LOXL2: variants seen among roughly 807,000 people sequenced by gnomAD.
LOXL2 encodes the protein lysyl oxidase homolog 2.
Under a neutral mutation model 93.0 loss-of-function variants are expected in LOXL2, and 70 were observed. The observed-to-expected ratio is 0.75, with a 90% CI of 0.62 to 0.92. The LOEUF is 0.92. Among genes scored for constraint, LOXL2 ranks in the 40% least tolerant of loss-of-function variants. LOXL2 has a pLI of 0.00. For missense variants in LOXL2, 973 were observed against 1,054.9 expected, an observed-to-expected ratio of 0.92 and a Z score of 1.08; for synonymous variants, 438 against 413.2, an observed-to-expected ratio of 1.06 and a Z score of -0.73.
rs58347035 is a variant in LOXL2, at chr8:23,307,953, G to GGAAAAAAAAAAAAAAAAAAAAAAAA, written c.1880+1714_1880+1715insTTTTTTTTTTTTTTTTTTTTTTTTC. Among the ~76,000 whole-genome samples the GGAAAAAAAAAAAAAAAAAAAAAAAA allele has an allele frequency of 9.6e-5, 8 of 83,522 alleles. 3 individuals are homozygous for GGAAAAAAAAAAAAAAAAAAAAAAAA. The highest frequency in any genetic ancestry group is 4.7e-5 in the African/African-American group (1 of 21,090). 54.8% of individuals were successfully genotyped at this position (83,522 alleles called of 152,430 possible). Reference sequence around the variant, plus strand: ...GTGACTAGGTCATCAGCTGCGATATGAAAAAAAAAAAAAAAAAAAAGCCAA... The same window carrying GGAAAAAAAAAAAAAAAAAAAAAAAA: ...GTGACTAGGTCATCAGCTGCGATATGGAAAAAAAAAAAAAAAAAAAAAAAAAAAAAAAAAAAAAAAAAAAAGCCAA... On this transcript the variant is annotated intron_variant, in intron 10 of 13. Coordinates refer to ENST00000389131, the MANE Select transcript of LOXL2 (RefSeq NM_002318.3).
At chr8:23,300,513 C>G (rs1803112060) in intron 12 of LOXL2, among the ~76,000 whole-genome samples, 1 of 152,230 alleles carries the variant, frequency 6.6e-6, no homozygotes, top group South Asian at 2.1e-4. Flanking sequence ...GTGAAGACCA[C>G]CTCTTGTGTC....
intron 4 of LOXL2, among the ~76,000 whole-genome samples, chr8:23,335,530 G>A (rs1159694680): frequency 6.6e-6 from 1 of 152,146 alleles, no homozygotes; most frequent in Non-Finnish European, 1.5e-5. Flanking sequence ...TGGAGTGATG[G>A]GAGACTTTAC....
intron 2 of LOXL2, chr8:23,365,446 C>A (rs1454365137): frequency 3.3e-5 from 5 of 151,716 alleles, no homozygotes; most frequent in African/African-American, 1.2e-4. Context: ...GTAAAAAGGT[C>A]TCTCATGTCA....
In LOXL2 at chr8:23,399,737, C is replaced by T. The variant is rs1800134168; in HGVS notation, c.-84+4217G>A. On this transcript the variant is annotated intron_variant, in intron 1 of 13. Coordinates refer to ENST00000389131, the MANE Select transcript of LOXL2 (RefSeq NM_002318.3). ...ATAAGCAACAGAAAATGGACTAAAACACCTCCTAAGGCTCCCCAAACTTTA... is the reference window on the plus strand; with the variant it reads ...ATAAGCAACAGAAAATGGACTAAAATACCTCCTAAGGCTCCCCAAACTTTA... 2.6e-5 allele frequency among the ~76,000 whole-genome samples: 4 copies of T among 152,196 alleles called. 1 individual carries two copies. In the South Asian group the frequency reaches 8.3e-4, roughly 31 times the overall value.
At chr8:23,363,272 T>C (rs1234714174) in intron 2 of LOXL2, 1 of 152,246 alleles carries the variant, frequency 6.6e-6, no homozygotes. Flanking sequence ...TCTCCTGACG[T>C]CCAGGCCCTG....
At chr8:23,334,669 G>A (rs1043716211) in intron 4 of LOXL2, among the ~76,000 whole-genome samples, 1 of 147,552 alleles carries the variant, frequency 6.8e-6, no homozygotes, top group Non-Finnish European at 1.5e-5. Context: ...ATAGATGCAG[G>A]TAATTCAGTT....
intron 7 of LOXL2, among the ~76,000 whole-genome samples, chr8:23,320,773 G>T (rs993116999): frequency 6.6e-6 from 1 of 152,048 alleles, no homozygotes; most frequent in Non-Finnish European, 1.5e-5. Flanking sequence ...AATGAGCCAG[G>T]TATGGTGGTG....
intron 1 of LOXL2, among the ~76,000 whole-genome samples, chr8:23,390,287 C>T (rs1804820482): frequency 6.6e-6 from 1 of 152,182 alleles, no homozygotes; most frequent in African/African-American, 2.4e-5. Context: ...GGGGTTTGCT[C>T]AGAGAATGAG....
intron 4 of LOXL2, among the ~76,000 whole-genome samples, chr8:23,338,076 G>A (rs1270683909): frequency 4.6e-5 from 7 of 152,328 alleles, no homozygotes; most frequent in Non-Finnish European, 8.8e-5. Flanking sequence ...ACAAAGGCAC[G>A]TCTTACATGA....
Position 23,317,127 on chromosome 8 carries a change from A to G in LOXL2, c.1471-13T>C. On this transcript the variant is annotated splice_polypyrimidine_tract_variant and intron_variant, in intron 8 of 13. Transcript: ENST00000389131. ...AATACCAGGTCTCCTGGAAGAACCA[A>G]CAAAACAAATGGTGGGTACATCATC... 1 of 1,613,368 alleles carries G rather than the reference A, an allele frequency of 6.2e-7. No homozygotes were observed. The highest frequency in any genetic ancestry group is 8.5e-7 in the Non-Finnish European group (1 of 1,179,674).
chr8:23,313,373 A>G (rs1204925327), intron 9 of LOXL2, among the ~76,000 whole-genome samples: 2 of 152,158 alleles, frequency 1.3e-5, no homozygotes, highest in Non-Finnish European at 2.9e-5. Flanking sequence ...AGCTGGAGGC[A>G]TCACACTACC....
chr8:23,328,588 T>C, intron 5 of LOXL2, 23 bp from the exon 6 acceptor site: 1 of 1,611,958 alleles, frequency 6.2e-7, no homozygotes, highest in Non-Finnish European at 8.5e-7. Flanking sequence ...ACGGTCCTGC[T>C]GAGTACAGAC....
rs1554475672 is a variant in LOXL2 at position 23,307,953 on chromosome 8, GA to G, written c.1880+1714del. On this transcript the variant is annotated intron_variant, in intron 10 of 13. Transcript: ENST00000389131. ...GTGACTAGGTCATCAGCTGCGATAT[GA>G]AAAAAAAAAAAAAAAAAAAGCCAAA... Among the ~76,000 whole-genome samples, 98 of 83,544 alleles carry G rather than the reference GA, an allele frequency of 1.2e-3. 7 individuals carry two copies. The highest frequency in any genetic ancestry group is 1.4e-3 in the Non-Finnish European group (67 of 47,068). The allele number at this position is 83,544 out of a possible 152,430, so 54.8% of individuals were successfully genotyped here. A position where few individuals can be genotyped will look rare whatever the true frequency, so the allele number is the denominator to read the frequency against.
chr8:23,352,503 T>C (rs1189539789), intron 3 of LOXL2, among the ~76,000 whole-genome samples: 1 of 152,138 alleles, frequency 6.6e-6, no homozygotes, highest in Non-Finnish European at 1.5e-5. Flanking sequence ...TTCAGACTTT[T>C]CAGAAGTCCT....
intron 6 of LOXL2, among the ~76,000 whole-genome samples, chr8:23,324,381 G>C (rs368386511): frequency 1.7e-4 from 26 of 152,292 alleles, no homozygotes; most frequent in African/African-American, 6.0e-4. Flanking sequence ...GTGCGTCCAA[G>C]GAAGGGCACA....
intron 3 of LOXL2, among the ~76,000 whole-genome samples, chr8:23,348,690 C>G (rs974625738): frequency 6.6e-6 from 1 of 152,054 alleles, no homozygotes; most frequent in Non-Finnish European, 1.5e-5. Context: ...ATCCCTGCTA[C>G]CACGGTGAAA....
At chr8:23,346,305 C>T (rs1355947665) in intron 3 of LOXL2, among the ~76,000 whole-genome samples, 1 of 152,160 alleles carries the variant, frequency 6.6e-6, no homozygotes, top group Non-Finnish European at 1.5e-5. Context: ...TGCTATCCCT[C>T]TTGCCAGAGA....
At chr8:23,390,580 G>A (rs1401632704) in intron 1 of LOXL2, among the ~76,000 whole-genome samples, 1 of 152,236 alleles carries the variant, frequency 6.6e-6, no homozygotes. Flanking sequence ...CCCACCGCTG[G>A]CTCTGGGTGG....
At chr8:23,304,720 C>T (rs1368076089) in intron 10 of LOXL2, among the ~76,000 whole-genome samples, 1 of 152,208 alleles carries the variant, frequency 6.6e-6, no homozygotes, top group Non-Finnish European at 1.5e-5. Context: ...CCTCGTGACA[C>T]TCCCATCATA....
Sources: gnomAD v4.1 joint callset for allele counts (sites outside exome capture counted in the v4.1 genomes callset) on GRCh38, gnomAD v4.1.1 for gene constraint, MANE v1.5 for transcripts, NCBI Gene and HGNC (gene_info 2026-07-23, HGNC 2026-07-21) for gene names.